UTRN: variants seen among roughly 807,000 people sequenced by gnomAD.
UTRN encodes the protein dystrophin-related protein 1.
Under a neutral mutation model 463.9 loss-of-function variants are expected in UTRN, and 283 were observed. That is an observed-to-expected ratio of 0.61 (90% CI 0.55 to 0.67). UTRN has a LOEUF of 0.67. Ranked by LOEUF, UTRN falls within the 30% of genes least tolerant of loss-of-function variation. The pLI is 0.00. For synonymous variants in UTRN, 1,442 were observed against 1,431.5 expected (o/e 1.01, Z -0.17); for missense variants, 3,922 against 4,084.3 (o/e 0.96, Z 1.08).
chr6:144,306,374 C>G (rs1805738588), intron 2 of UTRN, among the ~76,000 whole-genome samples: 1 of 151,930 alleles, frequency 6.6e-6, no homozygotes, highest in Non-Finnish European at 1.5e-5. Flanking sequence ...GTATTGAAGC[C>G]AAAACTGAGA....
chr6:144,600,634 C>G (rs1414896353), intron 51 of UTRN, among the ~76,000 whole-genome samples: 1 of 152,190 alleles, frequency 6.6e-6, no homozygotes, highest in African/African-American at 2.4e-5. Context: ...AGTTTAAGAA[C>G]AGAAACCATC....
chr6:144,554,024 A>G (rs1799166083), intron 48 of UTRN, among the ~76,000 whole-genome samples: 1 of 152,160 alleles, frequency 6.6e-6, no homozygotes. Context: ...AAGAGAGAGA[A>G]GGTGATAATG....
intron 48 of UTRN, among the ~76,000 whole-genome samples, chr6:144,553,767 G>T (rs1020240424): frequency 6.6e-6 from 1 of 151,960 alleles, no homozygotes; most frequent in Non-Finnish European, 1.5e-5. Flanking sequence ...AAAAGTAGCC[G>T]GGTGTGGTGG....
In UTRN at chr6:144,458,819, A is replaced by G; in HGVS notation, c.2334A>G (p.Ser778=). Residue 778 remains serine, a synonymous_variant, in exon 20 of 75, where the codon TCA becomes TCG. Coordinates refer to ENST00000367545, the MANE Select transcript of UTRN (RefSeq NM_007124.3). ...EIKNVLEKVS[S]EWKNVSQHLE... The stretch of plus-strand genomic sequence containing the variant: ...AAAATGTTCTGGAGAAGGTTTCATC[A>G]GAATGGAAGAATGTATCTCAACATT... The G allele has an allele frequency of 6.2e-7, 1 of 1,610,368 alleles. No homozygotes were observed. The highest frequency in any genetic ancestry group is 1.3e-5 in the African/African-American group (1 of 74,752).
chr6:144,470,470 G>A (rs1288067632), intron 23 of UTRN, among the ~76,000 whole-genome samples: 3 of 152,066 alleles, frequency 2.0e-5, no homozygotes, highest in African/African-American at 7.2e-5. Context: ...CCCAGATAGG[G>A]CGGCGGGGCA....
At chr6:144,504,563 T>C (rs1270856604) in intron 34 of UTRN, among the ~76,000 whole-genome samples, 1 of 152,140 alleles carries the variant, frequency 6.6e-6, no homozygotes, top group Non-Finnish European at 1.5e-5. Flanking sequence ...ATGGATTACA[T>C]TTATTGATTT....
intron 9 of UTRN, among the ~76,000 whole-genome samples, chr6:144,433,760 A>G (rs1443777365): frequency 1.4e-5 from 2 of 145,574 alleles, no homozygotes; most frequent in Non-Finnish European, 3.0e-5. Context: ...TCGGGCAGAG[A>G]TGCTCCTCAC....
intron 7 of UTRN, among the ~76,000 whole-genome samples, chr6:144,428,067 TG>T (rs1399642441): frequency 6.6e-6 from 1 of 151,912 alleles, no homozygotes. Flanking sequence ...TCCCAGAAGG[TG>T]GGTGGGTCTA....
At chr6:144,673,129 T>G (rs534093388) in intron 51 of UTRN, among the ~76,000 whole-genome samples, 2 of 152,284 alleles carry the variant, frequency 1.3e-5, no homozygotes, top group African/African-American at 4.8e-5. Flanking sequence ...CATGTGCTGA[T>G]GAAAAGAATG....
intron 6 of UTRN, among the ~76,000 whole-genome samples, chr6:144,425,717 A>T (rs935170965): frequency 6.6e-6 from 1 of 152,154 alleles, no homozygotes; most frequent in African/African-American, 2.4e-5. Flanking sequence ...TGTTCAAGTC[A>T]TCCTAGATTT....
At chr6:144,558,032 C>T (rs895080459) in intron 50 of UTRN, among the ~76,000 whole-genome samples, 5 of 152,132 alleles carry the variant, frequency 3.3e-5, no homozygotes, top group South Asian at 2.1e-4. Context: ...GGTGAAATTA[C>T]GCACATCTTT....
At chr6:144,785,012 C>T (rs75376047) in intron 61 of UTRN, among the ~76,000 whole-genome samples, 2,697 of 152,290 alleles carry the variant, frequency 0.018, 68 homozygotes, top group African/African-American at 0.059. Flanking sequence ...TAATGTCAGA[C>T]GGCCAGAGCT....
chr6:144,824,572 T>TATATA (rs1779929254), intron 66 of UTRN, among the ~76,000 whole-genome samples: 7 of 37,920 alleles, frequency 1.8e-4, no homozygotes, highest in Admixed American at 6.0e-4. Context: ...AGCATTTTAT[T>TATATA]TATATATATA....
chr6:144,610,400 ATAAG>A (rs1805369108), intron 51 of UTRN, among the ~76,000 whole-genome samples: 1 of 152,204 alleles, frequency 6.6e-6, no homozygotes, highest in African/African-American at 2.4e-5. Flanking sequence ...CAGACCAATA[ATAAG>A]TAAGAAGATT....
intron 51 of UTRN, among the ~76,000 whole-genome samples, chr6:144,580,777 G>A (rs1017524487): frequency 2.0e-5 from 3 of 152,194 alleles, no homozygotes; most frequent in African/African-American, 7.2e-5. Context: ...AGTAACAAGA[G>A]TGATGCAATG....
At chr6:144,725,531 A>G (rs1787778564) in intron 53 of UTRN, among the ~76,000 whole-genome samples, 1 of 152,322 alleles carries the variant, frequency 6.6e-6, no homozygotes, top group South Asian at 2.1e-4. Flanking sequence ...CAATTATATT[A>G]TGTTATATGC....
intron 2 of UTRN, among the ~76,000 whole-genome samples, chr6:144,379,671 CAGTG>C (rs1344079628): frequency 1.3e-5 from 2 of 152,236 alleles, no homozygotes; most frequent in African/African-American, 2.4e-5. Flanking sequence ...AGCCCATACT[CAGTG>C]GGTGGGGAAT....
intron 23 of UTRN, among the ~76,000 whole-genome samples, chr6:144,463,560 C>G (rs1339452365): frequency 2.0e-5 from 3 of 151,324 alleles, no homozygotes; most frequent in Non-Finnish European, 2.9e-5. Flanking sequence ...GAGAATGAAC[C>G]AATCACACTC....
intron 54 of UTRN, among the ~76,000 whole-genome samples, chr6:144,747,179 ATG>A (rs1246724887): frequency 2.0e-5 from 3 of 152,210 alleles, no homozygotes; most frequent in Non-Finnish European, 4.4e-5. Flanking sequence ...TGCTAATGTG[ATG>A]TGTACTGAAA....
Sources: gnomAD v4.1 joint callset for allele counts (sites outside exome capture counted in the v4.1 genomes callset) on GRCh38, gnomAD v4.1.1 for gene constraint, MANE v1.5 for transcripts, NCBI Gene and HGNC (gene_info 2026-07-23, HGNC 2026-07-21) for gene names.